Variants in RTN4IP1 observed in about 807,000 individuals in gnomAD.
RTN4IP1 encodes NAD(P)H oxidoreductase RTN4IP1, mitochondrial.
RTN4IP1 carries 32 observed loss-of-function variants against 46.6 expected under a neutral mutation model. The ratio of observed to expected loss-of-function variants is 0.69; its 90% CI spans 0.52 to 0.92. RTN4IP1 has a LOEUF of 0.92. RTN4IP1 is among the 40% of genes least tolerant of loss of function. The probability of loss-of-function intolerance (pLI) is 0.00; values close to 1 mark genes in which losing one functional copy is unlikely to be tolerated. For missense variants in RTN4IP1, 424 were observed against 485.8 expected, an observed-to-expected ratio of 0.87 and a Z score of 1.20; for synonymous variants, 167 against 161.8, an observed-to-expected ratio of 1.03 and a Z score of -0.24.
chr6:106,597,084 C>G (rs949146427), intron 5 of RTN4IP1, among the ~76,000 whole-genome samples: 7 of 152,118 alleles, frequency 4.6e-5, no homozygotes, highest in Non-Finnish European at 8.8e-5. Flanking sequence ...AGTAATTTCA[C>G]TATAATTTTT....
At chr6:106,580,681 T>C (rs913366952) in intron 8 of RTN4IP1, among the ~76,000 whole-genome samples, 35 of 146,694 alleles carry the variant, frequency 2.4e-4, no homozygotes, top group Admixed American at 5.7e-4. Context: ...ATCACACCAC[T>C]GCACTCCAGC....
intron 1 of RTN4IP1, among the ~76,000 whole-genome samples, chr6:106,625,982 A>G (rs546375516): frequency 6.6e-6 from 1 of 152,220 alleles, no homozygotes; most frequent in Admixed American, 6.5e-5. Context: ...GAAAGGAGAA[A>G]TAACAGCAAG....
At chr6:106,581,672 T>G (rs1775374753) in intron 8 of RTN4IP1, among the ~76,000 whole-genome samples, 1 of 152,236 alleles carries the variant, frequency 6.6e-6, no homozygotes, top group Admixed American at 6.5e-5. Context: ...CAAGGACATC[T>G]TTTTTTGTTG....
chr6:106,587,237 T>G (rs1190471233), intron 7 of RTN4IP1, among the ~76,000 whole-genome samples: 1 of 152,186 alleles, frequency 6.6e-6, no homozygotes, highest in Non-Finnish European at 1.5e-5. Flanking sequence ...AGACTTTAAG[T>G]GTTAAGACAT....
In RTN4IP1 at chr6:106,629,356, C is replaced by A; in HGVS notation, c.-335G>T. ...TGCGCAAACCCCCTAGATCCCTGCC[C>A]TGTCCTGGGAGCCCTCGGCGGGACA... On this transcript the variant is annotated 5_prime_UTR_variant, in exon 1 of 9. The change creates a new upstream start codon in the 5' untranslated region. Coordinates refer to ENST00000369063, the MANE Select transcript of RTN4IP1 (RefSeq NM_032730.5). 1 of 557,770 alleles carries A rather than the reference C, an allele frequency of 1.8e-6. No homozygotes were observed. Among genetic ancestry groups the A allele is most frequent in the Non-Finnish European group, 3.2e-6 (1 of 314,400 alleles). 34.6% of individuals were successfully genotyped at this position (557,770 alleles called of 1,614,324 possible). A position where few individuals can be genotyped will look rare whatever the true frequency, so the allele number is the denominator to read the frequency against.
intron 8 of RTN4IP1, among the ~76,000 whole-genome samples, chr6:106,574,761 G>A (rs1324176232): frequency 1.3e-5 from 2 of 152,166 alleles, no homozygotes; most frequent in East Asian, 3.9e-4. Flanking sequence ...CTGACAAAGT[G>A]CCTGCCTCCT....
At chr6:106,579,953 G>C (rs1030005788) in intron 8 of RTN4IP1, among the ~76,000 whole-genome samples, 1 of 151,728 alleles carries the variant, frequency 6.6e-6, no homozygotes, top group Non-Finnish European at 1.5e-5. Flanking sequence ...AGTGGCTCAC[G>C]CCTGTAATCC....
chr6:106,611,346 T>A (rs138882086), intron 4 of RTN4IP1, among the ~76,000 whole-genome samples: 1 of 152,182 alleles, frequency 6.6e-6, no homozygotes, highest in East Asian at 1.9e-4. Flanking sequence ...GAAACAGACA[T>A]ATATGGCCTT....
chr6:106,582,790 G>A (rs952316722), intron 8 of RTN4IP1, among the ~76,000 whole-genome samples: 1 of 152,124 alleles, frequency 6.6e-6, no homozygotes, highest in Non-Finnish European at 1.5e-5. Context: ...CAGATGATAA[G>A]CAACAGCCCC....
rs1323543929 is a variant in RTN4IP1, at chr6:106,629,343, C to T, written c.-322G>A. 3 of 555,398 alleles carry T rather than the reference C, an allele frequency of 5.4e-6. No homozygotes were observed. Among genetic ancestry groups the T allele is most frequent in the Non-Finnish European group, 9.6e-6 (3 of 313,452 alleles). The allele number at this position is 555,398 out of a possible 1,614,324, so 34.4% of individuals were successfully genotyped here. A position where few individuals can be genotyped will look rare whatever the true frequency, so the allele number is the denominator to read the frequency against. Reference sequence around the variant, plus strand: ...ATTAAAAAGCAGGTGCGCAAACCCCCTAGATCCCTGCCCTGTCCTGGGAGC... The same window carrying T: ...ATTAAAAAGCAGGTGCGCAAACCCCTTAGATCCCTGCCCTGTCCTGGGAGC... On this transcript the variant is annotated 5_prime_UTR_variant, in exon 1 of 9. Coordinates refer to ENST00000369063, the MANE Select transcript of RTN4IP1 (RefSeq NM_032730.5).
intron 4 of RTN4IP1, among the ~76,000 whole-genome samples, chr6:106,612,681 A>G (rs1776256209): frequency 6.6e-6 from 1 of 152,202 alleles, no homozygotes; most frequent in African/African-American, 2.4e-5. Context: ...ACTCATTCCA[A>G]TCACCTGCTC....
chr6:106,629,303 AAG>A lies in RTN4IP1; in HGVS notation c.-284_-283del, dbSNP rs36066551. 0.038 allele frequency: 19,553 copies of A among 511,354 alleles called. 1,479 individuals carry two copies. The highest frequency in any genetic ancestry group is 0.19 in the African/African-American group (9,964 of 51,352). 31.7% of individuals were successfully genotyped at this position (511,354 alleles called of 1,614,324 possible). A position where few individuals can be genotyped will look rare whatever the true frequency, so the allele number is the denominator to read the frequency against. ...TTCACCCCCTCCACTTTAAAAAAAA[AAG>A]GGGGGGCGGGGCATTAAAAAGCAGG... On this transcript the variant is annotated 5_prime_UTR_variant, in exon 1 of 9. An upstream open reading frame in the 5' UTR loses its in-frame stop. Coordinates refer to ENST00000369063, the MANE Select transcript of RTN4IP1 (RefSeq NM_032730.5).
intron 6 of RTN4IP1, 25 bp downstream of exon 6, chr6:106,592,139 G>A: frequency 6.2e-7 from 1 of 1,608,834 alleles, no homozygotes; most frequent in South Asian, 1.1e-5. Flanking sequence ...CCCACTCCCA[G>A]TGTGAACATT....
chr6:106,591,566 C>T (rs1439092570), intron 6 of RTN4IP1, among the ~76,000 whole-genome samples: 1 of 152,104 alleles, frequency 6.6e-6, no homozygotes, highest in Non-Finnish European at 1.5e-5. Flanking sequence ...CATTTCTGCT[C>T]TCAGCTTCAG....
In RTN4IP1 at chr6:106,571,914, G is replaced by A. The variant is rs1408619298; in HGVS notation, c.*82C>T. 1 of 848,696 alleles carries A rather than the reference G, an allele frequency of 1.2e-6. No homozygotes were observed. Among genetic ancestry groups the A allele is most frequent in the East Asian group, 2.4e-5 (1 of 40,818 alleles). The allele number at this position is 848,696 out of a possible 1,614,324, so 52.6% of individuals were successfully genotyped here. A position where few individuals can be genotyped will look rare whatever the true frequency, so the allele number is the denominator to read the frequency against. On this transcript the variant is annotated 3_prime_UTR_variant, in exon 9 of 9. Coordinates refer to ENST00000369063, the MANE Select transcript of RTN4IP1 (RefSeq NM_032730.5). ...TATAATCTAATCTGGAAAAATGTTT[G>A]AAAGGGATGGCTAGAAAAAAATTTG...
At chr6:106,602,199 T>C in intron 5 of RTN4IP1, among the ~76,000 whole-genome samples, 1 of 152,174 alleles carries the variant, frequency 6.6e-6, no homozygotes, top group East Asian at 1.9e-4. Context: ...CTTTATTCTT[T>C]TTTAAGATTG....
Position 106,622,875 on chromosome 6 carries a change from G to C in RTN4IP1, c.369C>G (p.Val123=), listed in dbSNP as rs1360357116. 1.2e-5 allele frequency: 20 copies of C among 1,613,980 alleles called. No individual in the cohort carries two copies. The highest frequency in any genetic ancestry group is 2.7e-5 in the African/African-American group (2 of 74,904). ...EEFPLTLGRD[V]SGVVMECGLD... ...GCCCACATTCCATCACCACGCCAGAGACATCCCGACCCAGAGTCAGAGGAA... is the reference window on the plus strand; with the variant it reads ...GCCCACATTCCATCACCACGCCAGACACATCCCGACCCAGAGTCAGAGGAA... The change falls in exon 2 of 9, where the codon GTC becomes GTG. Residue 123 remains valine, a synonymous_variant. Transcript: ENST00000369063.
intron 8 of RTN4IP1, among the ~76,000 whole-genome samples, chr6:106,582,775 A>G (rs1775398967): frequency 1.3e-5 from 2 of 152,160 alleles, no homozygotes; most frequent in African/African-American, 4.8e-5. Context: ...CCAAAAAACG[A>G]TGACCAGATG....
At chr6:106,577,156 C>T (rs1216676141) in intron 8 of RTN4IP1, among the ~76,000 whole-genome samples, 6 of 151,994 alleles carry the variant, frequency 3.9e-5, no homozygotes, top group Non-Finnish European at 7.3e-5. Context: ...TCTTCCTGGC[C>T]GTGTGCAGTG....
Sources: gnomAD v4.1 joint callset for allele counts (sites outside exome capture counted in the v4.1 genomes callset) on GRCh38, gnomAD v4.1.1 for gene constraint, MANE v1.5 for transcripts, NCBI Gene and HGNC (gene_info 2026-07-23, HGNC 2026-07-21) for gene names.